The following ARIH1 variants were observed in gnomAD, a reference collection of about 807,000 sequenced individuals.
ARIH1 encodes E3 ubiquitin-protein ligase ARIH1.
Under a neutral mutation model 85.0 loss-of-function variants are expected in ARIH1, and 8 were observed. The observed-to-expected ratio is 0.09, with a 90% CI of 0.06 to 0.17. The LOEUF (loss-of-function observed/expected upper bound fraction) is 0.17. ARIH1 is among the 10% of genes least tolerant of loss of function. ARIH1 has a pLI of 1.00. For synonymous variants in ARIH1, 238 were observed against 253.6 expected (o/e 0.94, Z 0.59); for missense variants, 311 against 718.1 (o/e 0.43, Z 6.48).
intron 6 of ARIH1, among the ~76,000 whole-genome samples, chr15:72,562,883 G>A (rs2064203061): frequency 7.7e-6 from 1 of 129,388 alleles, no homozygotes; most frequent in African/African-American, 2.7e-5. Flanking sequence ...GGTCTTCAGG[G>A]ATCAGTCATC....
intron 2 of ARIH1, among the ~76,000 whole-genome samples, chr15:72,542,613 A>G (rs972684148): frequency 1.3e-5 from 2 of 152,234 alleles, no homozygotes; most frequent in Non-Finnish European, 2.9e-5. Flanking sequence ...GTAGACATTT[A>G]AAGACAAAGG....
intron 12 of ARIH1, chr15:72,581,457 A>G (rs2064294878): frequency 6.3e-6 from 1 of 159,038 alleles, no homozygotes; most frequent in African/African-American, 2.4e-5. Flanking sequence ...CTGCAATATT[A>G]GAAGTTAATG....
intron 9 of ARIH1, among the ~76,000 whole-genome samples, chr15:72,569,652 G>A (rs935779627): frequency 3.3e-5 from 5 of 152,078 alleles, no homozygotes; most frequent in African/African-American, 4.8e-5. Flanking sequence ...CACTGAGAAC[G>A]GTACATGGGA....
chr15:72,494,917 G>A (rs938444023), intron 1 of ARIH1, among the ~76,000 whole-genome samples: 9 of 151,776 alleles, frequency 5.9e-5, no homozygotes, highest in South Asian at 2.1e-4. Context: ...CTGTGACTTC[G>A]TATGTAAATT....
intron 3 of ARIH1, among the ~76,000 whole-genome samples, chr15:72,545,226 C>T (rs1430333947): frequency 6.6e-6 from 1 of 152,140 alleles, no homozygotes. Context: ...GGAGTTTATT[C>T]TATCACCATG....
chr15:72,575,467 G>A (rs1055454361), intron 11 of ARIH1, among the ~76,000 whole-genome samples: 3 of 148,980 alleles, frequency 2.0e-5, no homozygotes, highest in Non-Finnish European at 4.4e-5. Context: ...GAGGTGGGAG[G>A]ATCACTTGAG....
At chr15:72,497,513 TA>T (rs2063884736) in intron 1 of ARIH1, among the ~76,000 whole-genome samples, 1 of 152,148 alleles carries the variant, frequency 6.6e-6, no homozygotes, top group Non-Finnish European at 1.5e-5. Flanking sequence ...TACTGAATCC[TA>T]AAACATCAGT....
At chr15:72,571,254 GT>G (rs2064245055) in intron 10 of ARIH1, among the ~76,000 whole-genome samples, 1 of 151,296 alleles carries the variant, frequency 6.6e-6, no homozygotes, top group Non-Finnish European at 1.5e-5. Flanking sequence ...AAACTCTGTA[GT>G]TATGTGACCT....
rs1455950808 is a variant in ARIH1, at chr15:72,602,503, C to T, written c.*19211C>T. The T allele has an allele frequency of 6.6e-6, 1 of 152,174 alleles. No homozygotes were observed. The highest frequency in any genetic ancestry group is 2.4e-5 in the African/African-American group (1 of 41,434). 9.4% of individuals were successfully genotyped at this position (152,174 alleles called of 1,614,324 possible). A position where few individuals can be genotyped will look rare whatever the true frequency, so the allele number is the denominator to read the frequency against. On this transcript the variant is annotated 3_prime_UTR_variant, in exon 14 of 14. Coordinates refer to ENST00000379887, the MANE Select transcript of ARIH1 (RefSeq NM_005744.5). ...ACTAATTTGCTACACTCTAAATTCC[C>T]AATTCATACTTAAGTCTCGCCCTTG...
chr15:72,557,609 A>C (rs1272906196), intron 5 of ARIH1, among the ~76,000 whole-genome samples: 1 of 152,216 alleles, frequency 6.6e-6, no homozygotes, highest in Non-Finnish European at 1.5e-5. Flanking sequence ...GGACTTAGTC[A>C]TAAATTCTTT....
At chr15:72,517,387 C>T (rs1052471560) in intron 1 of ARIH1, among the ~76,000 whole-genome samples, 8 of 152,046 alleles carry the variant, frequency 5.3e-5, no homozygotes, top group Non-Finnish European at 1.2e-4. Context: ...TAGGCACATG[C>T]GATCGTGCCT....
chr15:72,506,847 T>G (rs963062499), intron 1 of ARIH1, among the ~76,000 whole-genome samples: 9 of 150,198 alleles, frequency 6.0e-5, no homozygotes, highest in African/African-American at 2.2e-4. Context: ...TTTTTTTTTG[T>G]TTTTTTTGTT....
At chr15:72,533,480 T>C (rs1165202715) in intron 2 of ARIH1, among the ~76,000 whole-genome samples, 1 of 152,234 alleles carries the variant, frequency 6.6e-6, no homozygotes, top group Non-Finnish European at 1.5e-5. Context: ...AATGTGATTG[T>C]ACATGTGGAA....
intron 1 of ARIH1, among the ~76,000 whole-genome samples, chr15:72,516,470 CAG>C (rs1016727864): frequency 2.0e-5 from 3 of 152,162 alleles, no homozygotes; most frequent in Non-Finnish European, 4.4e-5. Flanking sequence ...CTGGAGATGA[CAG>C]TGTCTCTGTT....
intron 5 of ARIH1, among the ~76,000 whole-genome samples, chr15:72,557,968 G>T (rs1322621337): frequency 6.6e-6 from 1 of 152,154 alleles, no homozygotes; most frequent in African/African-American, 2.4e-5. Context: ...TTATTTCTAG[G>T]TATAGAATCA....
intron 2 of ARIH1, among the ~76,000 whole-genome samples, chr15:72,526,558 C>T (rs754626204): frequency 5.3e-5 from 8 of 152,172 alleles, no homozygotes; most frequent in South Asian, 4.2e-4. Flanking sequence ...AGTGAGACTC[C>T]GCCTTTAAAA....
Position 72,548,521 on chromosome 15 carries a change from A to G in ARIH1, c.588+3557A>G, listed in dbSNP as rs144117888. 4.0e-4 allele frequency among the ~76,000 whole-genome samples: 61 copies of G among 152,336 alleles called. No individual in the cohort carries two copies. In the East Asian group the frequency reaches 9.8e-3, roughly 25 times the overall value. On this transcript the variant is annotated intron_variant, in intron 3 of 13. Coordinates refer to ENST00000379887, the MANE Select transcript of ARIH1 (RefSeq NM_005744.5). The stretch of plus-strand genomic sequence containing the variant: ...CTTTTACAAGAAATTTCACTATGCA[A>G]GTGATAGGATAAGATAGCAAAAGGA...
In ARIH1 at chr15:72,597,943, A is replaced by G. The variant is rs1413276507; in HGVS notation, c.*14651A>G. ...CTTGGCACTTTCTGGAGTTTGGATC[A>G]TTTAGGTTTCTTTGGTTTTTGTTTT... On this transcript the variant is annotated 3_prime_UTR_variant, in exon 14 of 14. Transcript: ENST00000379887. The G allele has an allele frequency of 2.0e-5, 3 of 152,182 alleles. No homozygotes were observed. Among genetic ancestry groups the G allele is most frequent in the Non-Finnish European group, 2.9e-5 (2 of 68,204 alleles). 9.4% of individuals were successfully genotyped at this position (152,182 alleles called of 1,614,324 possible).
At chr15:72,491,888 G>A (rs1344073689) in intron 1 of ARIH1, among the ~76,000 whole-genome samples, 3 of 152,148 alleles carry the variant, frequency 2.0e-5, no homozygotes, top group Non-Finnish European at 2.9e-5. Context: ...TGTTATTGTT[G>A]TGTGTGCTGG....
Sources: allele counts gnomAD v4.1 joint callset (sites outside exome capture counted in the v4.1 genomes callset), GRCh38; gene constraint gnomAD v4.1.1; transcripts MANE v1.5; gene names NCBI Gene and HGNC (gene_info 2026-07-23, HGNC 2026-07-21).